The following NCKIPSD variants were observed in gnomAD, a reference collection of about 807,000 sequenced individuals.
NCKIPSD encodes NCK-interacting protein with SH3 domain.
NCKIPSD carries 48 observed loss-of-function variants against 73.4 expected under a neutral mutation model. The observed-to-expected ratio is 0.65, with a 90% confidence interval of 0.52 to 0.83. The LOEUF is 0.83. Ranked by LOEUF, NCKIPSD falls within the 40% of genes least tolerant of loss-of-function variation. NCKIPSD has a pLI of 0.00. For missense variants in NCKIPSD, 884 were observed against 970.2 expected (o/e 0.91, Z 1.18); for synonymous variants, 422 against 403.6 (o/e 1.05, Z -0.54).
chr3:48,675,409 A>G (rs530525882), intron 12 of NCKIPSD, among the ~76,000 whole-genome samples: 4 of 150,142 alleles, frequency 2.7e-5, no homozygotes, highest in Non-Finnish European at 4.4e-5. Context: ...CCTCCTACAT[A>G]TGCCCCAAAT....
intron 4 of NCKIPSD, 71 bp from the exon 5 acceptor site, chr3:48,681,851 CCT>C (rs1474871037): frequency 1.6e-5 from 23 of 1,460,108 alleles, no homozygotes; most frequent in Non-Finnish European, 1.9e-5. Context: ...GCCCAGATCC[CCT>C]GTCCCCTAAC....
chr3:48,677,086 C>T (rs1178945857), intron 12 of NCKIPSD, among the ~76,000 whole-genome samples: 1 of 151,004 alleles, frequency 6.6e-6, no homozygotes, highest in African/African-American at 2.4e-5. Flanking sequence ...CAACATCCCC[C>T]ATCTTCAAAA....
At position 48,679,569 on chromosome 3, in the gene NCKIPSD, C is replaced by T; in HGVS notation, c.1489+6G>A. 6.2e-7 allele frequency: 1 copy of T among 1,613,822 alleles called. No homozygotes were observed. The highest frequency in any genetic ancestry group is 8.5e-7 in the Non-Finnish European group (1 of 1,179,740). ...AGTTCCCTCCTACCCCGCCCTCCAG[C>T]CTCACCCTGCGTGTCTGTCTGCATG... On this transcript the variant is annotated splice_donor_region_variant and intron_variant, in intron 8 of 12. Coordinates refer to ENST00000294129, the MANE Select transcript of NCKIPSD (RefSeq NM_016453.4).
intron 1 of NCKIPSD, among the ~76,000 whole-genome samples, chr3:48,685,273 G>C (rs919571839): frequency 2.0e-5 from 3 of 151,254 alleles, no homozygotes; most frequent in Admixed American, 6.6e-5. Flanking sequence ...GGCATATTAA[G>C]GATCTGGGGT....
chr3:48,679,916 GC>G (rs1559493107), intron 6 of NCKIPSD, 29 bp from the exon 7 acceptor site: 1 of 1,613,844 alleles, frequency 6.2e-7, no homozygotes, highest in Non-Finnish European at 8.5e-7. Context: ...GAGAGCATCA[GC>G]CACCATGAGC....
chr3:48,684,867 C>T (rs2077410636), intron 1 of NCKIPSD, among the ~76,000 whole-genome samples: 1 of 152,124 alleles, frequency 6.6e-6, no homozygotes, highest in African/African-American at 2.4e-5. Context: ...AGGGATGGAA[C>T]CCATTTTCAA....
chr3:48,682,132 G>A lies in NCKIPSD; in HGVS notation c.511C>T (p.Pro171Ser). 6.3e-7 allele frequency: 1 copy of A among 1,598,746 alleles called. No homozygotes were observed. The change falls in exon 4 of 13, where the codon CCA becomes TCA. Residue 171 changes from proline (P) to serine (S), a missense_variant. By Grantham distance (74) the Pro-to-Ser change is moderately conservative. Coordinates refer to ENST00000294129, the MANE Select transcript of NCKIPSD (RefSeq NM_016453.4). The part of the protein sequence containing the change: ...YQIPLPSSQI[P>S]PQPRRAAPTT... ...GGTGCTGCTCGGCGAGGCTGTGGTGGGATCTGGGAAGATGGAAGTGGGATC... is the reference window on the plus strand; with the variant it reads ...GGTGCTGCTCGGCGAGGCTGTGGTGAGATCTGGGAAGATGGAAGTGGGATC...
intron 1 of NCKIPSD, among the ~76,000 whole-genome samples, chr3:48,684,163 T>C (rs1348897495): frequency 4.6e-5 from 7 of 151,828 alleles, no homozygotes; most frequent in African/African-American, 7.3e-5. Flanking sequence ...AACACACACA[T>C]GTGGAGTCGG....
rs766666953 is a variant in NCKIPSD at position 48,679,593 on chromosome 3, T to C, written c.1471A>G (p.Met491Val). The change falls in exon 8 of 13, where the codon ATG becomes GTG. Residue 491 changes from methionine to valine, a missense_variant. Transcript: ENST00000294129. ...GCCTCACCCTGCGTGTCTGTCTGCA[T>C]GTCCCTCGCCAGCTCTACAGGCAGC... ...SVLPVELARDMQTDTQDHQKL... is the reference protein window; with the variant it reads ...SVLPVELARDVQTDTQDHQKL... The C allele has an allele frequency of 1.2e-6, 2 of 1,614,068 alleles. No homozygotes were observed. The highest frequency in any genetic ancestry group is 1.7e-6 in the Non-Finnish European group (2 of 1,180,016).
At chr3:48,677,209 C>T (rs554979348) in intron 12 of NCKIPSD, among the ~76,000 whole-genome samples, 5 of 151,358 alleles carry the variant, frequency 3.3e-5, no homozygotes, top group South Asian at 4.2e-4. Context: ...GCCAACATGG[C>T]GAAACCCTGT....
Position 48,679,895 on chromosome 3 carries a change from A to T in NCKIPSD, c.1264-8T>A, listed in dbSNP as rs777226827. On this transcript the variant is annotated splice_polypyrimidine_tract_variant and splice_region_variant and intron_variant, in intron 6 of 12. Transcript: ENST00000294129. ...TTCAGGGTCTGCATCAGTCTACAGA[A>T]ATGAGGAAGTGAGAGCATCAGCCAC... The T allele has an allele frequency of 1.6e-5, 26 of 1,614,062 alleles. No individual in the cohort carries two copies. The African/African-American group carries it at 3.3e-4, about 21-fold the overall frequency.
In NCKIPSD at chr3:48,685,900, C is replaced by G; in HGVS notation, c.-93G>C. 4.9e-6 allele frequency: 6 copies of G among 1,213,088 alleles called. No individual in the cohort carries two copies. Among genetic ancestry groups the G allele is most frequent in the Middle Eastern group, 2.9e-4 (1 of 3,398 alleles). 75.1% of individuals were successfully genotyped at this position (1,213,088 alleles called of 1,614,324 possible). A position where few individuals can be genotyped will look rare whatever the true frequency, so the allele number is the denominator to read the frequency against. On this transcript the variant is annotated 5_prime_UTR_variant, in exon 1 of 13. Transcript: ENST00000294129. ...GCCGAGCCGCGCCGCGGTTGTCCCGCCCCGTGACACACTACGCAGGCGCGC... is the reference window on the plus strand; with the variant it reads ...GCCGAGCCGCGCCGCGGTTGTCCCGGCCCGTGACACACTACGCAGGCGCGC...
intron 12 of NCKIPSD, among the ~76,000 whole-genome samples, chr3:48,676,152 T>C (rs565529864): frequency 6.6e-6 from 1 of 152,332 alleles, no homozygotes; most frequent in South Asian, 2.1e-4. Context: ...TTTTCTCTGC[T>C]GTGTCACTCT....
At chr3:48,677,711 T>C (rs2077276752) in intron 12 of NCKIPSD, among the ~76,000 whole-genome samples, 1 of 152,216 alleles carries the variant, frequency 6.6e-6, no homozygotes, top group Non-Finnish European at 1.5e-5. Context: ...CGTCTTCCTC[T>C]AAACATGTGG....
chr3:48,678,101 C>T (rs1289451480), intron 12 of NCKIPSD, among the ~76,000 whole-genome samples: 1 of 152,178 alleles, frequency 6.6e-6, no homozygotes, highest in Non-Finnish European at 1.5e-5. Flanking sequence ...GCCAGATCCA[C>T]TTACTAAACA....
Position 48,674,473 on chromosome 3 carries a change from A to G in NCKIPSD, c.*71T>C, listed in dbSNP as rs2077221607. ...TCCCCTCCCACTGTCAGTGCAAAAC[A>G]TTCTTAGGGCCAAGCCCCTGAGTCC... On this transcript the variant is annotated 3_prime_UTR_variant, in exon 13 of 13. Coordinates refer to ENST00000294129, the MANE Select transcript of NCKIPSD (RefSeq NM_016453.4). The G allele has an allele frequency of 6.6e-7, 1 of 1,523,108 alleles. No individual in the cohort carries two copies. The highest frequency in any genetic ancestry group is 1.2e-5 in the South Asian group (1 of 80,606). 94.3% of individuals were successfully genotyped at this position (1,523,108 alleles called of 1,614,324 possible). A position where few individuals can be genotyped will look rare whatever the true frequency, so the allele number is the denominator to read the frequency against.
rs769631193 is a variant in NCKIPSD at position 48,685,677 on chromosome 3, TCACCACTGCGCGCCCGCGCGGCCAGC to T, written c.105_130del (p.Trp35Ter). ...GTAGGCTGGCGGCACGTAGCCCGTCTCACCACTGCGCGCCCGCGCGGCCAGCCACCAGTGCGCGCTGCTTCGCTCTA... is the reference window on the plus strand; with the variant it reads ...GTAGGCTGGCGGCACGTAGCCCGTCTCACCAGTGCGCGCTGCTTCGCTCTA... On this transcript the variant is annotated stop_gained and frameshift_variant, in exon 1 of 13. Transcript: ENST00000294129. LOFTEE classifies it high-confidence loss of function. The T allele has an allele frequency of 6.6e-6, 10 of 1,525,910 alleles. No individual in the cohort carries two copies. The highest frequency in any genetic ancestry group is 1.4e-5 in the African/African-American group (1 of 70,872). The allele number at this position is 1,525,910 out of a possible 1,614,324, so 94.5% of individuals were successfully genotyped here.
At position 48,682,329 on chromosome 3, in the gene NCKIPSD, C is replaced by T. The variant is rs368342554; in HGVS notation, c.486+19G>A. On this transcript the variant is annotated intron_variant, in intron 3 of 12. Coordinates refer to ENST00000294129, the MANE Select transcript of NCKIPSD (RefSeq NM_016453.4). Reference sequence around the variant, plus strand: ...AAGTTCCACCCACCTCCCTTCTCCACGATGTCCTCCCCACACACCTGGTAG... The same window carrying T: ...AAGTTCCACCCACCTCCCTTCTCCATGATGTCCTCCCCACACACCTGGTAG... 23 of 1,612,530 alleles carry T rather than the reference C, an allele frequency of 1.4e-5. No homozygotes were observed. In the African/African-American group the frequency reaches 1.7e-4, roughly 12 times the overall value.
chr3:48,680,360 G>A (rs2077331222), intron 5 of NCKIPSD, 131 bp from the exon 6 acceptor site: 2 of 1,032,904 alleles, frequency 1.9e-6, no homozygotes, highest in Non-Finnish European at 2.7e-6. Context: ...GCCCACACTG[G>A]ACAGGAGGCT....
Sources: allele counts gnomAD v4.1 joint callset (sites outside exome capture counted in the v4.1 genomes callset), GRCh38; gene constraint gnomAD v4.1.1; transcripts MANE v1.5; gene names NCBI Gene and HGNC (gene_info 2026-07-23, HGNC 2026-07-21).